Variants in TEX11 observed in about 807,000 individuals in gnomAD.
The protein encoded by TEX11 is testis-expressed protein 11.
In TEX11, 7 loss-of-function variants were observed where a neutral mutation model predicts 84.4. The ratio of observed to expected loss-of-function variants is 0.08; its 90% CI spans 0.05 to 0.16. TEX11 has a LOEUF of 0.16. Ranked by LOEUF, TEX11 falls within the 10% of genes least tolerant of loss-of-function variation. TEX11 has a pLI of 1.00. For missense variants in TEX11, 551 were observed against 660.5 expected (o/e 0.83, Z 1.82); for synonymous variants, 264 against 222.8 (o/e 1.18, Z -1.64).
intron 3 of TEX11, among the ~76,000 whole-genome samples, chrX:70,874,126 C>T (rs985832126): frequency 1.8e-5 from 2 of 110,820 alleles, no homozygotes; most frequent in Non-Finnish European, 3.8e-5. Context: ...ATGCCTGCTC[C>T]CTTTCCCCTT....
intron 20 of TEX11, among the ~76,000 whole-genome samples, chrX:70,616,086 A>G (rs1603146624): frequency 9.0e-6 from 1 of 111,557 alleles, no homozygotes; most frequent in East Asian, 2.8e-4. Context: ...AAAGCATCTG[A>G]AGGTACAAAA....
intron 17 of TEX11, among the ~76,000 whole-genome samples, chrX:70,639,082 G>C (rs931107474): frequency 4.5e-5 from 5 of 111,372 alleles, no homozygotes. Context: ...GAAGCAGGGC[G>C]AGGCATTGCC....
At chrX:70,794,880 C>T (rs1036758526) in intron 9 of TEX11, among the ~76,000 whole-genome samples, 11 of 108,316 alleles carry the variant, frequency 1.0e-4, no homozygotes, top group African/African-American at 3.0e-4. Context: ...GTGCTGGCTT[C>T]AGGTGTGAGC....
At chrX:70,763,241 C>G (rs1307773983) in intron 9 of TEX11, among the ~76,000 whole-genome samples, 11 of 111,533 alleles carry the variant, frequency 9.9e-5, no homozygotes. Context: ...AATGTATATA[C>G]ACCATAGAAT....
At chrX:70,798,092 A>T (rs2091166714) in intron 9 of TEX11, among the ~76,000 whole-genome samples, 1 of 107,414 alleles carries the variant, frequency 9.3e-6, no homozygotes, top group Non-Finnish European at 1.9e-5. Flanking sequence ...ACATAATCTT[A>T]TATTAGAAAA....
chrX:70,817,875 T>C (rs1404821807), intron 8 of TEX11, among the ~76,000 whole-genome samples: 1 of 111,747 alleles, frequency 8.9e-6, no homozygotes, highest in Non-Finnish European at 1.9e-5. Flanking sequence ...AGGAATGACG[T>C]GCTCAAAAGT....
At chrX:70,894,210 C>T (rs770696982) in intron 2 of TEX11, among the ~76,000 whole-genome samples, 14 of 111,369 alleles carry the variant, frequency 1.3e-4, no homozygotes, top group Non-Finnish European at 1.9e-4. Context: ...AGACTACTCC[C>T]TAACTCATTT....
chrX:70,777,805 A>C (rs1312949453), intron 9 of TEX11, among the ~76,000 whole-genome samples: 1 of 112,098 alleles, frequency 8.9e-6, no homozygotes, highest in Non-Finnish European at 1.9e-5. Flanking sequence ...AAAAAAATCA[A>C]GTCACAAAGG....
chrX:70,608,618 G>A (rs2089222611), intron 22 of TEX11, among the ~76,000 whole-genome samples: 1 of 109,248 alleles, frequency 9.2e-6, no homozygotes, highest in South Asian at 4.1e-4. Flanking sequence ...GCGGGTGCCT[G>A]TAGTCCCAGC....
At chrX:70,901,911 G>A (rs1372841494) in intron 2 of TEX11, among the ~76,000 whole-genome samples, 3 of 112,475 alleles carry the variant, frequency 2.7e-5, no homozygotes, top group Non-Finnish European at 5.6e-5. Context: ...AAGTATTTGT[G>A]TATTTAAACA....
At chrX:70,873,190 C>T in intron 4 of TEX11, 33 bp downstream of exon 4, 1 of 836,820 alleles carries the variant, frequency 1.2e-6, no homozygotes, top group Non-Finnish European at 1.8e-6. Flanking sequence ...TAAGAACACG[C>T]CTCATAATAC....
rs143356948 is a variant in TEX11, at chrX:70,740,746, G to T, written c.798C>A (p.Thr266=). The change falls in exon 11 of 30, where the codon ACC becomes ACA. Residue 266 remains threonine, a synonymous_variant. Coordinates refer to ENST00000374333, the MANE Select transcript of TEX11 (RefSeq NM_031276.3). ...CATTGAGAGCCTTATCATAATATTT[G>T]GTGTCATCCCAATCCAAATAATTCG... ...LATNYLDWDD[T]KYYDKALNAV... 1.6e-5 allele frequency: 19 copies of T among 1,195,613 alleles called. No individual in the cohort carries two copies. The highest frequency in any genetic ancestry group is 3.5e-5 in the African/African-American group (2 of 56,420).
At chrX:70,581,605 C>T (rs2088778110) in intron 25 of TEX11, among the ~76,000 whole-genome samples, 1 of 110,897 alleles carries the variant, frequency 9.0e-6, no homozygotes, top group Non-Finnish European at 1.9e-5. Context: ...GTCCTATATA[C>T]TGTTGCTTCT....
the TEX11 span, among the ~76,000 whole-genome samples, chrX:70,513,787 C>G: frequency 2.8e-5 from 3 of 108,146 alleles, 1 homozygote; most frequent in African/African-American, 1.0e-4. Context: ...TTACCGAGAG[C>G]CGTGTTGATC....
At chrX:70,667,342 A>C (rs967914310) in intron 16 of TEX11, among the ~76,000 whole-genome samples, 2 of 112,009 alleles carry the variant, frequency 1.8e-5, no homozygotes, top group African/African-American at 6.5e-5. Flanking sequence ...ATACTTATTT[A>C]TCTTTTTATT....
In TEX11 at chrX:70,638,366, C is replaced by T. The variant is rs1032526096; in HGVS notation, c.1484-8631G>A. 4.5e-5 allele frequency among the ~76,000 whole-genome samples: 5 copies of T among 111,504 alleles called. No homozygotes were observed. In the Admixed American group the frequency reaches 4.7e-4, roughly 11 times the overall value. On this transcript the variant is annotated intron_variant, in intron 17 of 29. Coordinates refer to ENST00000374333, the MANE Select transcript of TEX11 (RefSeq NM_031276.3). ...AAAGTGCCGAAGAGAAAAAACCCTG[C>T]CAATTAATACTTTACCCAGTAAAGC... is the stretch of plus-strand genomic sequence containing the variant.
chrX:70,647,127 C>G (rs756114808), intron 17 of TEX11, among the ~76,000 whole-genome samples: 29 of 110,894 alleles, frequency 2.6e-4, no homozygotes, highest in African/African-American at 9.2e-4. Flanking sequence ...GTGAAATAAG[C>G]CAGGCACACA....
chrX:70,810,575 T>G (rs1015099784), intron 8 of TEX11, among the ~76,000 whole-genome samples: 1 of 110,840 alleles, frequency 9.0e-6, no homozygotes, highest in Non-Finnish European at 1.9e-5. Flanking sequence ...TTCTCACTCA[T>G]AAGTGGGAGC....
chrX:70,541,287 T>C (rs1265546817), intron 28 of TEX11, among the ~76,000 whole-genome samples: 1 of 111,429 alleles, frequency 9.0e-6, no homozygotes, highest in Non-Finnish European at 1.9e-5. Context: ...AATGACAAAA[T>C]TATAGAAATT....
Sources: gnomAD v4.1 joint callset for allele counts (sites outside exome capture counted in the v4.1 genomes callset) on GRCh38, gnomAD v4.1.1 for gene constraint, MANE v1.5 for transcripts, NCBI Gene and HGNC (gene_info 2026-07-23, HGNC 2026-07-21) for gene names.